The following CACUL1 variants were observed in gnomAD, a reference collection of about 807,000 sequenced individuals.
CACUL1 encodes the protein CDK2 associated cullin domain 1.
Under a neutral mutation model 45.2 loss-of-function variants are expected in CACUL1, and 13 were observed. That is an observed-to-expected ratio of 0.29 (90% CI 0.19 to 0.46). The LOEUF (loss-of-function observed/expected upper bound fraction) is 0.46, where lower values mean the gene tolerates loss of function less well. CACUL1 is among the 20% of genes least tolerant of loss of function. CACUL1 has a pLI of 1.00. For synonymous variants in CACUL1, 197 were observed against 174.2 expected (o/e 1.13, Z -1.03); for missense variants, 421 against 471.4 (o/e 0.89, Z 0.99).
chr10:118,694,080 G>A (rs1052552637), intron 6 of CACUL1, among the ~76,000 whole-genome samples: 1 of 152,134 alleles, frequency 6.6e-6, no homozygotes, highest in African/African-American at 2.4e-5. Flanking sequence ...TAGCCAGGAT[G>A]GTCTGGATCT....
chr10:118,744,477 G>A (rs375710480), intron 1 of CACUL1, among the ~76,000 whole-genome samples: 24 of 152,306 alleles, frequency 1.6e-4, no homozygotes, highest in African/African-American at 5.3e-4. Flanking sequence ...GCCAGGGGCA[G>A]GGAGAAGTGA....
chr10:118,694,966 A>AAGGG (rs756448817), intron 6 of CACUL1, 175 bp downstream of exon 6: 16 of 489,484 alleles, frequency 3.3e-5, no homozygotes, highest in Middle Eastern at 6.0e-4. Context: ...ACTAGCAGAG[A>AAGGG]ACATTCCAAC....
Position 118,678,082 on chromosome 10 carries a change from T to A in CACUL1, c.*8046A>T, listed in dbSNP as rs1272085724. On this transcript the variant is annotated 3_prime_UTR_variant, in exon 9 of 9. Coordinates refer to ENST00000369151, the MANE Select transcript of CACUL1 (RefSeq NM_153810.5). ...TGCATTACCTGACGACTAATGAGGCTGAACATCTTTTCACATTTATGGGCC... is the reference window on the plus strand; with the variant it reads ...TGCATTACCTGACGACTAATGAGGCAGAACATCTTTTCACATTTATGGGCC... The A allele has an allele frequency of 6.6e-6, 1 of 152,240 alleles. No homozygotes were observed. Among genetic ancestry groups the A allele is most frequent in the African/African-American group, 2.4e-5 (1 of 41,458 alleles). The allele number at this position is 152,240 out of a possible 1,614,324, so 9.4% of individuals were successfully genotyped here.
Position 118,680,619 on chromosome 10 carries a change from AAAC to A in CACUL1, c.*5506_*5508del, listed in dbSNP as rs1845143515. 2 of 152,258 alleles carry A rather than the reference AAAC, an allele frequency of 1.3e-5. No individual in the cohort carries two copies. Among genetic ancestry groups the A allele is most frequent in the South Asian group, 2.1e-4 (1 of 4,834 alleles). 9.4% of individuals were successfully genotyped at this position (152,258 alleles called of 1,614,324 possible). ...ATAGTACCAATAAATGCAAAGAAAA[AAAC>A]AACCTAAGTCCAAAAGTTGATTAAA... is the stretch of plus-strand genomic sequence containing the variant. On this transcript the variant is annotated 3_prime_UTR_variant, in exon 9 of 9. Coordinates refer to ENST00000369151, the MANE Select transcript of CACUL1 (RefSeq NM_153810.5).
At chr10:118,742,115 T>C (rs1845798653) in intron 1 of CACUL1, among the ~76,000 whole-genome samples, 1 of 152,236 alleles carries the variant, frequency 6.6e-6, no homozygotes, top group Admixed American at 6.5e-5. Flanking sequence ...CTGTGTCTCT[T>C]CATTACCAGA....
At chr10:118,737,377 T>TCAGATGACAACAAC (rs1360778659) in intron 1 of CACUL1, among the ~76,000 whole-genome samples, 6 of 152,212 alleles carry the variant, frequency 3.9e-5, no homozygotes, top group Admixed American at 2.6e-4. Context: ...TTCATTACAT[T>TCAGATGACAACAAC]CAGATGACAA....
intron 3 of CACUL1, among the ~76,000 whole-genome samples, chr10:118,713,981 CTTA>C (rs1845517988): frequency 6.6e-6 from 1 of 152,174 alleles, no homozygotes; most frequent in Non-Finnish European, 1.5e-5. Context: ...TCTAAAAATA[CTTA>C]TTAATTCATT....
At position 118,754,267 on chromosome 10, in the gene CACUL1, G is replaced by A. The variant is rs867138854; in HGVS notation, c.367+129C>T. 5.2e-6 allele frequency: 7 copies of A among 1,356,694 alleles called. No homozygotes were observed. In the South Asian group the frequency reaches 1.2e-4, roughly 22 times the overall value. 84.0% of individuals were successfully genotyped at this position (1,356,694 alleles called of 1,614,324 possible). ...AGGGGGAAGGAGGCAGGGAGGCGAA[G>A]GCGGACGGGGAGAAGAGGAAAGACC... On this transcript the variant is annotated intron_variant, in intron 1 of 8. Transcript: ENST00000369151.
chr10:118,720,408 C>CA (rs1418032849), intron 3 of CACUL1, among the ~76,000 whole-genome samples: 3 of 152,216 alleles, frequency 2.0e-5, no homozygotes, highest in Admixed American at 1.3e-4. Context: ...ACACTACTTA[C>CA]ACCTATTTGC....
intron 3 of CACUL1, among the ~76,000 whole-genome samples, chr10:118,723,776 A>AT (rs528165505): frequency 0.011 from 1,731 of 150,916 alleles, 18 homozygotes; most frequent in Middle Eastern, 0.017. Flanking sequence ...CAAGACCACC[A>AT]TTTTTTTTTC....
intron 3 of CACUL1, among the ~76,000 whole-genome samples, chr10:118,713,355 T>C (rs756195732): frequency 7.4e-4 from 113 of 152,176 alleles, no homozygotes; most frequent in Non-Finnish European, 1.3e-3. Flanking sequence ...CAGCTGTGGA[T>C]TGGGTGGCTG....
At chr10:118,709,529 G>A (rs181848514) in intron 3 of CACUL1, among the ~76,000 whole-genome samples, 4 of 152,194 alleles carry the variant, frequency 2.6e-5, no homozygotes, top group South Asian at 2.1e-4. Context: ...AGTGTTGGGG[G>A]ACGAGCATGG....
intron 8 of CACUL1, 87 bp from the exon 9 acceptor site, chr10:118,686,255 C>T: frequency 8.9e-7 from 1 of 1,126,356 alleles, no homozygotes; most frequent in Admixed American, 1.7e-5. Flanking sequence ...ACACATTTCT[C>T]ACTCCTCTCC....
Position 118,691,326 on chromosome 10 carries a change from A to G in CACUL1, c.964T>C (p.Ser322Pro), listed in dbSNP as rs1845263419. 4.3e-6 allele frequency: 7 copies of G among 1,613,410 alleles called. No homozygotes were observed. The highest frequency in any genetic ancestry group is 1.7e-4 in the Middle Eastern group (1 of 6,058). Reference sequence around the variant, plus strand: ...TTCTGATCTTGAGCAGCATATTCAGAAAGTTCAGATTCCACCGCCGGAGGG... The same window carrying G: ...TTCTGATCTTGAGCAGCATATTCAGGAAGTTCAGATTCCACCGCCGGAGGG... The part of the protein sequence containing the change: ...ILPPAVESEL[S>P]EYAAQDQKFQ... Residue 322 changes from serine to proline, a missense_variant, in exon 7 of 9, where the codon TCT becomes CCT. This residue lies in a region of CACUL1 where 208 missense variants were observed against 298.4 expected (regional missense o/e 0.70). Transcript: ENST00000369151.
chr10:118,722,614 TA>T (rs1845612059), intron 3 of CACUL1, among the ~76,000 whole-genome samples: 2 of 152,316 alleles, frequency 1.3e-5, no homozygotes, highest in Middle Eastern at 3.4e-3. Flanking sequence ...TTACTTTACT[TA>T]ATAATGGCTC....
At chr10:118,712,288 G>A (rs968612867) in intron 3 of CACUL1, among the ~76,000 whole-genome samples, 1 of 152,236 alleles carries the variant, frequency 6.6e-6, no homozygotes, top group African/African-American at 2.4e-5. Context: ...CCAAGGGCAA[G>A]TCAGTACGTG....
rs1354779059 is a variant in CACUL1, at chr10:118,677,120, G to A, written c.*9008C>T. 6.6e-6 allele frequency: 1 copy of A among 152,128 alleles called. No homozygotes were observed. The highest frequency in any genetic ancestry group is 1.5e-5 in the Non-Finnish European group (1 of 68,032). The allele number at this position is 152,128 out of a possible 1,614,324, so 9.4% of individuals were successfully genotyped here. A position where few individuals can be genotyped will look rare whatever the true frequency, so the allele number is the denominator to read the frequency against. On this transcript the variant is annotated 3_prime_UTR_variant, in exon 9 of 9. Coordinates refer to ENST00000369151, the MANE Select transcript of CACUL1 (RefSeq NM_153810.5). ...TTCATAAAATAATTGACCATGGACAGCATGATTTCAAAAAGCCGCCTTTAG... is the reference window on the plus strand; with the variant it reads ...TTCATAAAATAATTGACCATGGACAACATGATTTCAAAAAGCCGCCTTTAG...
intron 1 of CACUL1, among the ~76,000 whole-genome samples, chr10:118,753,954 C>CA (rs535535139): frequency 2.1e-3 from 319 of 152,322 alleles, no homozygotes; most frequent in Non-Finnish European, 3.3e-3. Flanking sequence ...CACAAGAACA[C>CA]AAGTTGCCAG....
intron 3 of CACUL1, among the ~76,000 whole-genome samples, chr10:118,719,847 A>G (rs1845584123): frequency 6.6e-6 from 1 of 152,138 alleles, no homozygotes; most frequent in Admixed American, 6.5e-5. Context: ...CAAATAGACA[A>G]ACATATCTGA....
Sources: allele counts gnomAD v4.1 joint callset (sites outside exome capture counted in the v4.1 genomes callset), GRCh38; gene constraint gnomAD v4.1.1; regional missense constraint gnomAD v4.1.1; transcripts MANE v1.5; gene names NCBI Gene and HGNC (gene_info 2026-07-23, HGNC 2026-07-21).